The following TTC39B variants were observed in gnomAD, a reference collection of about 807,000 sequenced individuals.
TTC39B encodes tetratricopeptide repeat domain 39B.
TTC39B carries 92 observed loss-of-function variants against 96.6 expected under a neutral mutation model. The observed-to-expected ratio is 0.95, with a 90% CI of 0.80 to 1.13. TTC39B has a LOEUF of 1.13. Ranked by LOEUF, TTC39B falls within the 50% of genes most tolerant of loss-of-function variation. The pLI is 0.00. For missense variants in TTC39B, 955 were observed against 809.3 expected, an observed-to-expected ratio of 1.18 and a Z score of -2.18; for synonymous variants, 367 against 299.4, an observed-to-expected ratio of 1.23 and a Z score of -2.33.
chr9:15,281,723 C>G (rs61447509), intron 1 of TTC39B, among the ~76,000 whole-genome samples: 19,533 of 150,542 alleles, frequency 0.13, 2,453 homozygotes, highest in African/African-American at 0.33. Context: ...GTCACTCACG[C>G]TGGAGTGCAG....
chr9:15,183,946 A>T (rs944559677), intron 16 of TTC39B, among the ~76,000 whole-genome samples: 2 of 152,158 alleles, frequency 1.3e-5, no homozygotes, highest in Non-Finnish European at 2.9e-5. Context: ...AAACACCTGG[A>T]CCTAGGTGCT....
intron 8 of TTC39B, among the ~76,000 whole-genome samples, chr9:15,199,589 G>T (rs12552686): frequency 2.6e-5 from 4 of 151,444 alleles, no homozygotes; most frequent in African/African-American, 9.7e-5. Context: ...CAAAAAATTA[G>T]CCGGGCGTGG....
At chr9:15,231,870 T>C (rs951399823) in intron 2 of TTC39B, among the ~76,000 whole-genome samples, 9 of 151,716 alleles carry the variant, frequency 5.9e-5, no homozygotes, top group African/African-American at 1.9e-4. Context: ...GGCCAACTGA[T>C]GTGCTCTGGA....
At chr9:15,252,001 G>T (rs1160344750) in intron 2 of TTC39B, among the ~76,000 whole-genome samples, 1 of 151,862 alleles carries the variant, frequency 6.6e-6, no homozygotes, top group Non-Finnish European at 1.5e-5. Context: ...TCCAGTTGGG[G>T]AGCCAGATAT....
At chr9:15,249,941 G>A (rs1563762658) in intron 2 of TTC39B, 14 of 1,282,248 alleles carry the variant, frequency 1.1e-5, no homozygotes, top group Non-Finnish European at 1.4e-5. Flanking sequence ...CTGTAACTTT[G>A]GAGGAATGAA....
At chr9:15,290,176 A>G (rs7875255) in intron 1 of TTC39B, among the ~76,000 whole-genome samples, 29,601 of 152,200 alleles carry the variant, frequency 0.19, 3,567 homozygotes, top group African/African-American at 0.34. Flanking sequence ...TCCTTATAGG[A>G]TGATAGAAAT....
intron 2 of TTC39B, among the ~76,000 whole-genome samples, chr9:15,230,185 T>C (rs1371502260): frequency 1.3e-5 from 2 of 152,224 alleles, no homozygotes; most frequent in East Asian, 3.8e-4. Context: ...TATATGCCCT[T>C]ATTTTGCCCT....
chr9:15,252,702 C>T (rs1318146212), intron 2 of TTC39B, among the ~76,000 whole-genome samples: 1 of 152,054 alleles, frequency 6.6e-6, no homozygotes, highest in Non-Finnish European at 1.5e-5. Flanking sequence ...AAAGTATGGA[C>T]TTTAGTTAGT....
chr9:15,286,313 A>G (rs755065452), intron 1 of TTC39B, among the ~76,000 whole-genome samples: 1 of 152,222 alleles, frequency 6.6e-6, no homozygotes, highest in Non-Finnish European at 1.5e-5. Flanking sequence ...CTTATGTTTT[A>G]TGATACCAGC....
At chr9:15,223,214 T>A (rs1820942977) in intron 3 of TTC39B, among the ~76,000 whole-genome samples, 1 of 152,222 alleles carries the variant, frequency 6.6e-6, no homozygotes, top group African/African-American at 2.4e-5. Flanking sequence ...GATTCTCTCT[T>A]GGCTCTTTCA....
At chr9:15,178,401 C>T (rs911541363) in intron 17 of TTC39B, among the ~76,000 whole-genome samples, 5 of 152,038 alleles carry the variant, frequency 3.3e-5, no homozygotes, top group African/African-American at 7.2e-5. Flanking sequence ...AATGAGACCC[C>T]GTCTCTACAA....
intron 8 of TTC39B, among the ~76,000 whole-genome samples, chr9:15,193,500 T>A (rs114912900): frequency 6.6e-6 from 1 of 152,208 alleles, no homozygotes; most frequent in Non-Finnish European, 1.5e-5. Flanking sequence ...TAGCCAAATA[T>A]TTTTAATCTG....
intron 2 of TTC39B, among the ~76,000 whole-genome samples, chr9:15,231,083 G>A (rs1033863089): frequency 3.9e-5 from 6 of 152,088 alleles, no homozygotes; most frequent in Non-Finnish European, 5.9e-5. Context: ...ATTATGGTAT[G>A]TGGAATTGCT....
At chr9:15,264,808 A>C (rs1362571195) in intron 2 of TTC39B, among the ~76,000 whole-genome samples, 2 of 151,878 alleles carry the variant, frequency 1.3e-5, no homozygotes, top group Non-Finnish European at 2.9e-5. Flanking sequence ...TAAAGCAAAA[A>C]CAAAAAGTAC....
chr9:15,242,832 C>T (rs576002321), intron 2 of TTC39B, among the ~76,000 whole-genome samples: 1 of 152,278 alleles, frequency 6.6e-6, no homozygotes, highest in East Asian at 1.9e-4. Flanking sequence ...TGCACTTTTT[C>T]TGTAAGTTTG....
chr9:15,189,918 C>G, intron 11 of TTC39B, 126 bp from the exon 12 acceptor site: 2 of 670,056 alleles, frequency 3.0e-6, no homozygotes, highest in Middle Eastern at 7.9e-4. Flanking sequence ...ATTATTTCAT[C>G]ATTTTTATAT....
intron 9 of TTC39B, among the ~76,000 whole-genome samples, chr9:15,191,491 C>G (rs764034614): frequency 1.3e-5 from 2 of 152,172 alleles, no homozygotes; most frequent in Non-Finnish European, 2.9e-5. Context: ...CCAGGGTTCT[C>G]TATAGAATAC....
chr9:15,300,459 A>C (rs576290855), intron 1 of TTC39B, among the ~76,000 whole-genome samples: 1 of 152,036 alleles, frequency 6.6e-6, no homozygotes, highest in African/African-American at 2.4e-5. Flanking sequence ...CTACTTCATT[A>C]CTCATCATCT....
At chr9:15,167,242 C>A (rs2118309445) in exon 20 of TTC39B, 1 of 103,458 alleles carries the variant, frequency 9.7e-6, no homozygotes, top group Non-Finnish European at 1.8e-5. Context: ...GACAGGTTCT[C>A]ACTGTATTGC....
Sources: allele counts gnomAD v4.1 joint callset (sites outside exome capture counted in the v4.1 genomes callset), GRCh38; gene constraint gnomAD v4.1.1; transcripts MANE v1.5; gene names NCBI Gene and HGNC (gene_info 2026-07-23, HGNC 2026-07-21).